Variants in PITPNM1 observed in about 807,000 individuals in gnomAD.
PITPNM1 encodes the protein membrane-associated phosphatidylinositol transfer protein 1.
Under a neutral mutation model 133.3 loss-of-function variants are expected in PITPNM1, and 74 were observed. The observed-to-expected ratio is 0.56, with a 90% confidence interval of 0.46 to 0.67. The LOEUF (loss-of-function observed/expected upper bound fraction) is 0.67, where lower values mean the gene tolerates loss of function less well. Among genes scored for constraint, PITPNM1 ranks in the 30% least tolerant of loss-of-function variants. PITPNM1 has a pLI of 0.00. For missense variants in PITPNM1, 1,398 were observed against 1,739.5 expected (o/e 0.80, Z 3.49); for synonymous variants, 738 against 741.4 (o/e 1.00, Z 0.08).
rs753908819 is a variant in PITPNM1, at chr11:67,499,968, T to C, written c.1009A>G (p.Asn337Asp). 2 of 1,612,446 alleles carry C rather than the reference T, an allele frequency of 1.2e-6. No homozygotes were observed. The highest frequency in any genetic ancestry group is 4.5e-5 in the East Asian group (2 of 44,862). The part of the protein sequence containing the change: ...PQSLSEWRMQ[N>D]IARDSENSSE... ...CTGTTCTCAGAGTCTCGGGCAATGTTCTGCATGCGCCACTCAGACAAGCTC... is the reference window on the plus strand; with the variant it reads ...CTGTTCTCAGAGTCTCGGGCAATGTCCTGCATGCGCCACTCAGACAAGCTC... Residue 337 changes from asparagine to aspartate, a missense_variant, in exon 7 of 24, where the codon AAC (asparagine) becomes GAC (aspartate). Coordinates refer to ENST00000356404, the MANE Select transcript of PITPNM1 (RefSeq NM_004910.3).
chr11:67,494,398 A>T, intron 18 of PITPNM1, 38 bp from the exon 19 acceptor site: 1 of 1,378,778 alleles, frequency 7.3e-7, no homozygotes. Flanking sequence ...CGGCCAGCAA[A>T]GGATGGGGAT....
rs1383563078 is a variant in PITPNM1 at position 67,498,417 on chromosome 11, G to A, written c.1485-95C>T. ...CCTGCTGGCAGGCCCTGGCTCTGTGGGTCCTCTGTGGGGAGCGTTAGCCCC... is the reference window on the plus strand; with the variant it reads ...CCTGCTGGCAGGCCCTGGCTCTGTGAGTCCTCTGTGGGGAGCGTTAGCCCC... On this transcript the variant is annotated intron_variant, in intron 10 of 23. Coordinates refer to ENST00000356404, the MANE Select transcript of PITPNM1 (RefSeq NM_004910.3). This position sits in a 1 kb window ranked among gnomAD's most constrained non-coding sequence, Gnocchi z 5.7. The A allele has an allele frequency of 1.4e-6, 2 of 1,392,142 alleles. No homozygotes were observed. The highest frequency in any genetic ancestry group is 1.9e-6 in the Non-Finnish European group (2 of 1,044,944). 86.2% of individuals were successfully genotyped at this position (1,392,142 alleles called of 1,614,324 possible).
intron 5 of PITPNM1, among the ~76,000 whole-genome samples, chr11:67,501,170 C>T (rs193116642): frequency 7.9e-5 from 12 of 152,334 alleles, no homozygotes; most frequent in South Asian, 4.1e-4. Context: ...GTCTGTGTGT[C>T]GCAATCACTG....
chr11:67,505,942 G>A (rs553639231), upstream of PITPNM1, among the ~76,000 whole-genome samples: 1 of 152,238 alleles, frequency 6.6e-6, no homozygotes, highest in Non-Finnish European at 1.5e-5. This position sits in a 1 kb window ranked among gnomAD's most constrained non-coding sequence, Gnocchi z 5.8. Flanking sequence ...GCCACCCGGA[G>A]TCTGGGCAAA....
chr11:67,499,555 A>ACCCACCCACC (rs1866245164), intron 8 of PITPNM1, 168 bp downstream of exon 8: 1 of 108,174 alleles, frequency 9.2e-6, no homozygotes, highest in African/African-American at 4.8e-5. Flanking sequence ...TCATCCATCC[A>ACCCACCCACC]TCCACCCATC....
At chr11:67,495,034 C>T (rs781263480) in intron 17 of PITPNM1, 43 bp downstream of exon 17, 1 of 1,610,192 alleles carries the variant, frequency 6.2e-7, no homozygotes, top group South Asian at 1.1e-5. Flanking sequence ...AGCAGCCCAT[C>T]CCCGTCCCAT....
chr11:67,494,153 G>A (rs1292251134), intron 19 of PITPNM1, 83 bp from the exon 20 acceptor site: 6 of 1,569,906 alleles, frequency 3.8e-6, no homozygotes, highest in African/African-American at 2.7e-5. Context: ...GGATGGGTGG[G>A]TCTAGGGGCA....
intron 18 of PITPNM1, 132 bp downstream of exon 18, chr11:67,494,714 C>T (rs1866050809): frequency 5.7e-6 from 3 of 525,164 alleles, no homozygotes; most frequent in East Asian, 3.2e-5. Context: ...ACCCCAGGGG[C>T]GGGGCAGGAC....
Position 67,499,959 on chromosome 11 carries a change from G to T in PITPNM1, c.1018C>A (p.Arg340=). The T allele has an allele frequency of 1.9e-6, 3 of 1,612,520 alleles. No homozygotes were observed. Among genetic ancestry groups the T allele is most frequent in the Non-Finnish European group, 2.5e-6 (3 of 1,179,852 alleles). The part of the protein sequence containing the change: ...LSEWRMQNIA[R]DSENSSEEEF... ...TCCTCGGAGCTGTTCTCAGAGTCTC[G>T]GGCAATGTTCTGCATGCGCCACTCA... is the stretch of plus-strand genomic sequence containing the variant. The change falls in exon 7 of 24, where the codon CGA becomes AGA. Residue 340 remains arginine, a synonymous_variant. Transcript: ENST00000356404.
At position 67,496,275 on chromosome 11, in the gene PITPNM1, G is replaced by A. The variant is rs138186805; in HGVS notation, c.2220C>T (p.Leu740=). 9 of 1,566,506 alleles carry A rather than the reference G, an allele frequency of 5.7e-6. No individual in the cohort carries two copies. The highest frequency in any genetic ancestry group is 1.2e-5 in the South Asian group (1 of 84,134). Residue 740 remains leucine, a synonymous_variant, in exon 15 of 24, where the codon CTC becomes CTT. Transcript: ENST00000356404. ...GGAACTTCGGGGCCAGCAGGGGCTC[G>A]AGGCGTGAGGCGCAGGGGTCAGCCG... is the stretch of plus-strand genomic sequence containing the variant. ...FHAADPCASR[L]EPLLAPKFQA...
chr11:67,495,465 G>T lies in PITPNM1; in HGVS notation c.2455C>A (p.Pro819Thr). The T allele has an allele frequency of 1.9e-6, 3 of 1,544,770 alleles. No homozygotes were observed. The highest frequency in any genetic ancestry group is 2.6e-6 in the Non-Finnish European group (3 of 1,145,378). The change falls in exon 16 of 24, where the codon CCC (proline) becomes ACC (threonine). Residue 819 changes from proline (P) to threonine (T), a missense_variant. Pro to Thr is a conservative substitution (Grantham distance 38, BLOSUM62 -1). Coordinates refer to ENST00000356404, the MANE Select transcript of PITPNM1 (RefSeq NM_004910.3). Reference protein sequence around the residue: ...ATDPPAQPAAPSTTSEVVKIL... With the variant: ...ATDPPAQPAATSTTSEVVKIL... ...TTAACCACCTCACTGGTGGTGCTGG[G>T]GGCGGCTGGCTGGGCCGGGGGGTCA... is the stretch of plus-strand genomic sequence containing the variant.
At position 67,491,992 on chromosome 11, in the gene PITPNM1, G is replaced by C; in HGVS notation, c.*41C>G. The C allele has an allele frequency of 1.9e-6, 3 of 1,595,636 alleles. No individual in the cohort carries two copies. The highest frequency in any genetic ancestry group is 2.6e-6 in the Non-Finnish European group (3 of 1,169,624). On this transcript the variant is annotated 3_prime_UTR_variant, in exon 24 of 24. Coordinates refer to ENST00000356404, the MANE Select transcript of PITPNM1 (RefSeq NM_004910.3). ...CACACGCAGCCCCTCGGGCCCCTTG[G>C]GTGTGTCAATAAATAACCCAGGTCC... is the stretch of plus-strand genomic sequence containing the variant.
chr11:67,496,211 A>T lies in PITPNM1; in HGVS notation c.2284T>A (p.Phe762Ile), dbSNP rs1283345302. 1 of 1,545,512 alleles carries T rather than the reference A, an allele frequency of 6.5e-7. No homozygotes were observed. The change falls in exon 15 of 24, where the codon TTC becomes ATC. Residue 762 changes from phenylalanine (F) to isoleucine (I), a missense_variant. Around this residue, in one of 5 missense-constraint regions of PITPNM1, gnomAD observed 574 missense variants for 698.7 expected, o/e 0.82. Coordinates refer to ENST00000356404, the MANE Select transcript of PITPNM1 (RefSeq NM_004910.3). ...APLTVPRYQK[F>I]PLGDGSSLLL... ...AGGGATGAGCCATCTCCCAGGGGGA[A>T]CTTCTGGTAGCGGGGCACGGTCAGT... is the stretch of plus-strand genomic sequence containing the variant.
Position 67,498,447 on chromosome 11 carries a change from G to A in PITPNM1, c.1485-125C>T, listed in dbSNP as rs1042441452. 7 of 1,414,128 alleles carry A rather than the reference G, an allele frequency of 5.0e-6. No individual in the cohort carries two copies. Among genetic ancestry groups the A allele is most frequent in the South Asian group, 1.3e-5 (1 of 74,098 alleles). 87.6% of individuals were successfully genotyped at this position (1,414,128 alleles called of 1,614,324 possible). A position where few individuals can be genotyped will look rare whatever the true frequency, so the allele number is the denominator to read the frequency against. On this transcript the variant is annotated intron_variant, in intron 10 of 23. Coordinates refer to ENST00000356404, the MANE Select transcript of PITPNM1 (RefSeq NM_004910.3). The surrounding 1 kb of genome is among the most constrained non-coding windows in gnomAD (Gnocchi z 5.7). The stretch of plus-strand genomic sequence containing the variant: ...TCTGTGGGGAGCGTTAGCCCCAAGA[G>A]GCAACTGAAATGGAGCCATTCTCCA...
At position 67,504,398 on chromosome 11, in the gene PITPNM1, T is replaced by C; in HGVS notation, c.-41-177A>G. ...CCGGGGCCGGGAGCCGCAGCGAGGCTGAGCGCTGACCTCTTTTCCGCGCAG... is the reference window on the plus strand; with the variant it reads ...CCGGGGCCGGGAGCCGCAGCGAGGCCGAGCGCTGACCTCTTTTCCGCGCAG... On this transcript the variant is annotated intron_variant, in intron 1 of 23. Transcript: ENST00000356404. This position sits in a 1 kb window ranked among gnomAD's most constrained non-coding sequence, Gnocchi z 5.4. The C allele has an allele frequency of 4.4e-6, 1 of 225,840 alleles. No homozygotes were observed. The highest frequency in any genetic ancestry group is 8.6e-6 in the Non-Finnish European group (1 of 116,542). The allele number at this position is 225,840 out of a possible 1,614,324, so 14.0% of individuals were successfully genotyped here.
chr11:67,492,047 C>T lies in PITPNM1; in HGVS notation c.3721G>A (p.Asp1241Asn), dbSNP rs140466714. Residue 1241 changes from aspartate to asparagine, a missense_variant, in exon 24 of 24, where the codon GAC becomes AAC. Physicochemically the swap from Asp to Asn is conservative, Grantham distance 23 (BLOSUM62 1). Around this residue, in one of 5 missense-constraint regions of PITPNM1, gnomAD observed 122 missense variants for 123.3 expected, o/e 0.99. Coordinates refer to ENST00000356404, the MANE Select transcript of PITPNM1 (RefSeq NM_004910.3). ...TGGTGTGGGCCTCACTCCTCGCTGT[C>T]CAGCTTCAGGCTGATGCTCCGTGCT... ...GKARSISLKL[D>N]SEE 2.8e-4 allele frequency: 459 copies of T among 1,612,356 alleles called. No homozygotes were observed. The highest frequency in any genetic ancestry group is 3.6e-4 in the Non-Finnish European group (430 of 1,179,796).
chr11:67,499,125 TCTC>T (rs1219993557), intron 8 of PITPNM1, 124 bp from the exon 9 acceptor site: 6 of 902,694 alleles, frequency 6.6e-6, no homozygotes, highest in East Asian at 5.3e-5. Flanking sequence ...CCTCCAAACT[TCTC>T]CTCCCACCAA....
In PITPNM1 at chr11:67,497,219, C is replaced by G; in HGVS notation, c.2146+12G>C. 6.3e-7 allele frequency: 1 copy of G among 1,596,796 alleles called. No homozygotes were observed. Among genetic ancestry groups the G allele is most frequent in the Non-Finnish European group, 8.5e-7 (1 of 1,169,664 alleles). On this transcript the variant is annotated intron_variant, in intron 14 of 23. Transcript: ENST00000356404. ...AGAGACTAGAGGCGCCCCCGCAGCC[C>G]CTAGGACTCACCCTCCAGGGCGGGC... is the stretch of plus-strand genomic sequence containing the variant.
In PITPNM1 at chr11:67,498,492, A is replaced by C; in HGVS notation, c.1484+104T>G. On this transcript the variant is annotated intron_variant, in intron 10 of 23. Coordinates refer to ENST00000356404, the MANE Select transcript of PITPNM1 (RefSeq NM_004910.3). The surrounding 1 kb of genome is among the most constrained non-coding windows in gnomAD (Gnocchi z 5.7). ...TCTCCAGAACAGGTCCAGCCATGCC[A>C]GTGACCGACCCAGGTGTCTGGCTTC... is the stretch of plus-strand genomic sequence containing the variant. 6.6e-7 allele frequency: 1 copy of C among 1,508,044 alleles called. No individual in the cohort carries two copies. The highest frequency in any genetic ancestry group is 1.2e-5 in the South Asian group (1 of 80,488). 93.4% of individuals were successfully genotyped at this position (1,508,044 alleles called of 1,614,324 possible). A position where few individuals can be genotyped will look rare whatever the true frequency, so the allele number is the denominator to read the frequency against.
Sources: gnomAD v4.1 joint callset for allele counts (sites outside exome capture counted in the v4.1 genomes callset) on GRCh38, gnomAD v4.1.1 for gene constraint, gnomAD v4.1.1 regional missense constraint, Gnocchi (gnomAD v3.1) non-coding constraint, MANE v1.5 for transcripts, NCBI Gene and HGNC (gene_info 2026-07-23, HGNC 2026-07-21) for gene names.